FBXL2: variants seen among roughly 807,000 people sequenced by gnomAD.
FBXL2 encodes the protein F-box and leucine rich repeat protein 2.
FBXL2 carries 38 observed loss-of-function variants against 69.2 expected under a neutral mutation model. The ratio of observed to expected loss-of-function variants is 0.55; its 90% CI spans 0.42 to 0.72. FBXL2 has a LOEUF of 0.72. Ranked by LOEUF, FBXL2 falls within the 30% of genes least tolerant of loss-of-function variation. The probability of loss-of-function intolerance (pLI) is 0.00; values close to 1 mark genes in which losing one functional copy is unlikely to be tolerated. For synonymous variants in FBXL2, 192 were observed against 201.3 expected, an observed-to-expected ratio of 0.95 and a Z score of 0.39; for missense variants, 354 against 520.3, an observed-to-expected ratio of 0.68 and a Z score of 3.11.
chr3:33,307,998 T>C (rs2036866033), intron 2 of FBXL2, among the ~76,000 whole-genome samples: 1 of 152,168 alleles, frequency 6.6e-6, no homozygotes, highest in South Asian at 2.1e-4. Context: ...TCCATTTACA[T>C]GATCTTAGTA....
At chr3:33,416,354 C>T in the FBXL2 span, among the ~76,000 whole-genome samples, 1 of 152,186 alleles carries the variant, frequency 6.6e-6, no homozygotes, top group Admixed American at 6.5e-5. Flanking sequence ...GGATGACTGA[C>T]TTCTTCATTC....
chr3:33,400,850 T>C, intron 12 of FBXL2: 1 of 1,013,780 alleles, frequency 9.9e-7, no homozygotes. Context: ...TACCACACAT[T>C]ACCATACATG....
At position 33,375,350 on chromosome 3, in the gene FBXL2, C is replaced by T. The variant is rs1448059940; in HGVS notation, c.720C>T (p.Cys240=). 6 of 1,614,072 alleles carry T rather than the reference C, an allele frequency of 3.7e-6. No individual in the cohort carries two copies. Among genetic ancestry groups the T allele is most frequent in the Non-Finnish European group, 5.1e-6 (6 of 1,180,022 alleles). The stretch of plus-strand genomic sequence containing the variant: ...GCTGTCACCGGCTACAGGCTCTCTG[C>T]CTTTCGGGTTGCAGCAACCTCACAG... The part of the protein sequence containing the change: ...CRGCHRLQAL[C]LSGCSNLTDA... The change falls in exon 10 of 15, where the codon TGC becomes TGT. Residue 240 remains cysteine, a synonymous_variant. Transcript: ENST00000484457.
At chr3:33,349,037 A>T (rs1242073719) in intron 2 of FBXL2, among the ~76,000 whole-genome samples, 2 of 152,158 alleles carry the variant, frequency 1.3e-5, no homozygotes, top group Non-Finnish European at 2.9e-5. Context: ...GTTTTCCCAA[A>T]TATAAGATCA....
intron 2 of FBXL2, among the ~76,000 whole-genome samples, chr3:33,324,797 GT>G (rs1023328784): frequency 3.3e-5 from 5 of 152,076 alleles, no homozygotes; most frequent in Non-Finnish European, 5.9e-5. Context: ...CTCTTTTTTG[GT>G]TCCATATGAA....
intron 10 of FBXL2, 65 bp downstream of exon 10, chr3:33,375,483 T>G (rs570595914): frequency 1.3e-6 from 2 of 1,579,166 alleles, no homozygotes; most frequent in East Asian, 4.5e-5. Context: ...GAGGGCTTCC[T>G]TCAGGAGAGG....
chr3:33,409,686 C>T, the FBXL2 span: 11 of 1,518,744 alleles, frequency 7.2e-6, no homozygotes, highest in African/African-American at 6.9e-5. Context: ...TGACCTGACA[C>T]CACTATAAAT....
chr3:33,417,341 C>G, the FBXL2 span, among the ~76,000 whole-genome samples: 1 of 151,196 alleles, frequency 6.6e-6, no homozygotes. Context: ...CTTTCTGCCT[C>G]TACGATTTGC....
intron 2 of FBXL2, among the ~76,000 whole-genome samples, chr3:33,299,987 C>T (rs968460707): frequency 5.9e-5 from 9 of 151,452 alleles, no homozygotes; most frequent in Non-Finnish European, 1.2e-4. Flanking sequence ...GTAGATGGTG[C>T]CCCCTAGGAT....
intron 2 of FBXL2, among the ~76,000 whole-genome samples, chr3:33,348,655 T>G (rs1192687821): frequency 6.6e-6 from 1 of 152,150 alleles, no homozygotes; most frequent in Non-Finnish European, 1.5e-5. Flanking sequence ...AGACAGAAGT[T>G]TCAGTGAACT....
At chr3:33,406,402 A>G (rs1285552873), downstream of FBXL2, among the ~76,000 whole-genome samples, 1 of 152,192 alleles carries the variant, frequency 6.6e-6, no homozygotes, top group Non-Finnish European at 1.5e-5. Flanking sequence ...CACCTCTACT[A>G]TCTGAAAGAT....
the FBXL2 span, among the ~76,000 whole-genome samples, chr3:33,416,434 A>T: frequency 6.6e-6 from 1 of 152,208 alleles, no homozygotes; most frequent in Non-Finnish European, 1.5e-5. Context: ...AGGATTTTTT[A>T]AAGTTTTATG....
rs1377830119 is a variant in FBXL2 at position 33,375,311 on chromosome 3, G to A, written c.681G>A (p.Val227=). 1.2e-6 allele frequency: 2 copies of A among 1,614,174 alleles called. No individual in the cohort carries two copies. The highest frequency in any genetic ancestry group is 1.7e-6 in the Non-Finnish European group (2 of 1,180,006). ...SCSRITDEGV[V]QICRGCHRLQ... ...AGCGTATCACGGATGAAGGTGTGGT[G>A]CAGATATGCAGGGGCTGTCACCGGC... Residue 227 remains valine (V), a synonymous_variant, in exon 10 of 15, where the codon GTG becomes GTA. Transcript: ENST00000484457.
At chr3:33,364,559 A>G in intron 4 of FBXL2, 66 bp from the exon 5 acceptor site, 1 of 1,331,774 alleles carries the variant, frequency 7.5e-7, no homozygotes, top group Non-Finnish European at 1.1e-6. Flanking sequence ...ATTTCAGGTT[A>G]TTTTGCTGTT....
the FBXL2 span, among the ~76,000 whole-genome samples, chr3:33,414,450 C>T: frequency 1.1e-4 from 16 of 152,140 alleles, no homozygotes; most frequent in African/African-American, 3.4e-4. Flanking sequence ...CAAAAAAAGA[C>T]GAAAACAGAA....
intron 2 of FBXL2, among the ~76,000 whole-genome samples, chr3:33,299,779 G>A (rs982217206): frequency 1.3e-5 from 2 of 152,188 alleles, no homozygotes; most frequent in Non-Finnish European, 2.9e-5. Flanking sequence ...ACAAATATTT[G>A]GATAAGAGAG....
intron 12 of FBXL2, among the ~76,000 whole-genome samples, chr3:33,394,298 G>A (rs2043881923): frequency 6.6e-6 from 1 of 151,682 alleles, no homozygotes; most frequent in Non-Finnish European, 1.5e-5. Flanking sequence ...TGCCCAGTTA[G>A]GCCTCCCAAA....
rs959929936 is a variant in FBXL2, at chr3:33,386,498, C to CTTA, written c.*893_*895dup. ...AAAATGGATGTGATTTTTTTTCAAG[C>CTTA]TTATTTTGAAATCTTAAAAATCAGG... On this transcript the variant is annotated 3_prime_UTR_variant, in exon 15 of 15. Transcript: ENST00000484457. 72 of 151,748 alleles carry CTTA rather than the reference C, an allele frequency of 4.7e-4. No individual in the cohort carries two copies. Among genetic ancestry groups the CTTA allele is most frequent in the African/African-American group, 1.7e-3 (70 of 41,304 alleles). The allele number at this position is 151,748 out of a possible 1,614,324, so 9.4% of individuals were successfully genotyped here.
chr3:33,399,862 T>C (rs2044155662), intron 12 of FBXL2, among the ~76,000 whole-genome samples: 1 of 152,232 alleles, frequency 6.6e-6, no homozygotes, highest in African/African-American at 2.4e-5. Flanking sequence ...ACTAGCTCTG[T>C]AACTTACTGT....
Sources: allele counts gnomAD v4.1 joint callset (sites outside exome capture counted in the v4.1 genomes callset), GRCh38; gene constraint gnomAD v4.1.1; transcripts MANE v1.5; gene names NCBI Gene and HGNC (gene_info 2026-07-23, HGNC 2026-07-21).